RBFOX1: variants seen among roughly 807,000 people sequenced by gnomAD.
RBFOX1 encodes the protein RNA binding fox-1 homolog 1, also known as RNA binding protein fox-1 homolog 1.
A neutral mutation model predicts 57.7 loss-of-function variants in RBFOX1; 8 were observed. The ratio of observed to expected loss-of-function variants is 0.14; its 90% CI spans 0.08 to 0.25. The LOEUF (loss-of-function observed/expected upper bound fraction) is 0.25. RBFOX1 is among the 10% of genes least tolerant of loss of function. RBFOX1 has a pLI of 1.00. For missense variants in RBFOX1, 611 were observed against 548.5 expected (o/e 1.11, Z -1.14); for synonymous variants, 326 against 222.4 (o/e 1.47, Z -4.15).
At chr16:5,994,090 G>C (rs909638351) in intron 4 of RBFOX1, among the ~76,000 whole-genome samples, 17 of 152,168 alleles carry the variant, frequency 1.1e-4, no homozygotes, top group African/African-American at 4.1e-4. Flanking sequence ...ATGGGGGCTC[G>C]TTCGACTCTC....
chr16:7,640,333 GCTCT>G (rs1246245490), intron 11 of RBFOX1, among the ~76,000 whole-genome samples: 3 of 152,222 alleles, frequency 2.0e-5, no homozygotes, highest in Non-Finnish European at 4.4e-5. Flanking sequence ...CTGCCATGCA[GCTCT>G]CTGTCATTGC....
intron 2 of RBFOX1, among the ~76,000 whole-genome samples, chr16:5,512,069 T>C (rs1230674195): frequency 6.6e-6 from 1 of 152,154 alleles, no homozygotes; most frequent in African/African-American, 2.4e-5. Context: ...ATGCACACGG[T>C]GGCAATGGGG....
At chr16:7,181,676 C>T (rs2082738125) in intron 4 of RBFOX1, among the ~76,000 whole-genome samples, 1 of 152,084 alleles carries the variant, frequency 6.6e-6, no homozygotes, top group Non-Finnish European at 1.5e-5. Flanking sequence ...GATTCGTGTG[C>T]CTCAGCCTCC....
chr16:7,245,814 A>G (rs1479770161), intron 4 of RBFOX1, among the ~76,000 whole-genome samples: 1 of 152,174 alleles, frequency 6.6e-6, no homozygotes, highest in Non-Finnish European at 1.5e-5. Flanking sequence ...ACAGCACTTC[A>G]TACACTCATG....
At chr16:6,300,507 A>G (rs2078687455) in intron 1 of RBFOX1, among the ~76,000 whole-genome samples, 1 of 152,220 alleles carries the variant, frequency 6.6e-6, no homozygotes, top group East Asian at 1.9e-4. Context: ...CAAAGTTATT[A>G]GCGAGACTTG....
At chr16:5,942,768 C>CTCTCACTGATATAATTT (rs1260824470) in intron 4 of RBFOX1, among the ~76,000 whole-genome samples, 1 of 152,180 alleles carries the variant, frequency 6.6e-6, no homozygotes, top group Non-Finnish European at 1.5e-5. Context: ...GATCAGATCT[C>CTCTCACTGATATAATTT]TCTCACTGAT....
At chr16:7,161,300 A>AG (rs2152384997) in intron 4 of RBFOX1, among the ~76,000 whole-genome samples, 1 of 151,820 alleles carries the variant, frequency 6.6e-6, no homozygotes, top group Admixed American at 6.5e-5. Context: ...AGTATGTGTA[A>AG]GGAATATTTG....
Position 5,464,875 on chromosome 16 carries a change from C to T in RBFOX1, c.220-2341C>T, listed in dbSNP as rs2151604778. ...AGGCACAGGGTGTGGCTCTAGGAGC[C>T]CAGGAGGAAGGTCTGTATCTGTTCA... On this transcript the variant is annotated intron_variant, in intron 1 of 2. Coordinates refer to the RBFOX1 transcript ENST00000585867. Among the ~76,000 whole-genome samples, 5 of 152,206 alleles carry T rather than the reference C, an allele frequency of 3.3e-5. 1 individual carries two copies. The Middle Eastern group carries it at 0.017, about 518-fold the overall frequency.
rs1281892314 is a variant in RBFOX1 at position 5,490,928 on chromosome 16, A to G, written c.258+23674A>G. On this transcript the variant is annotated intron_variant, in intron 2 of 2. Coordinates refer to the RBFOX1 transcript ENST00000585867. Reference sequence around the variant, plus strand: ...TGATTTCATTATGTGAACCTCCTGGAGCGTAGTTACGCAAACCTAGATAAT... The same window carrying G: ...TGATTTCATTATGTGAACCTCCTGGGGCGTAGTTACGCAAACCTAGATAAT... Among the ~76,000 whole-genome samples, 59 of 152,192 alleles carry G rather than the reference A, an allele frequency of 3.9e-4. 1 individual carries two copies. Among genetic ancestry groups the G allele is most frequent in the Admixed American group, 3.9e-3 (59 of 15,278 alleles).
At chr16:6,778,756 G>C (rs1369297867) in intron 3 of RBFOX1, among the ~76,000 whole-genome samples, 1 of 151,886 alleles carries the variant, frequency 6.6e-6, no homozygotes, top group Non-Finnish European at 1.5e-5. Context: ...ATATGATTGT[G>C]AATTTTCTTG....
chr16:6,562,566 T>C (rs979232102), intron 2 of RBFOX1, among the ~76,000 whole-genome samples: 1 of 152,214 alleles, frequency 6.6e-6, no homozygotes, highest in South Asian at 2.1e-4. Flanking sequence ...TGTGTGTAAT[T>C]GGATATTTCA....
At chr16:6,720,162 G>C (rs1278903558) in intron 3 of RBFOX1, among the ~76,000 whole-genome samples, 2 of 151,994 alleles carry the variant, frequency 1.3e-5, no homozygotes, top group Non-Finnish European at 2.9e-5. Context: ...CAAAATATCT[G>C]ACACAGGGTA....
chr16:6,674,940 G>A (rs1157013820), intron 3 of RBFOX1, among the ~76,000 whole-genome samples: 2 of 151,674 alleles, frequency 1.3e-5, no homozygotes, highest in African/African-American at 2.4e-5. Flanking sequence ...CAGTCTCACT[G>A]TGTCACCCAG....
At chr16:7,337,373 G>C (rs1214997429) in intron 4 of RBFOX1, among the ~76,000 whole-genome samples, 1 of 152,194 alleles carries the variant, frequency 6.6e-6, no homozygotes, top group African/African-American at 2.4e-5. Context: ...TGAAGCATTA[G>C]TAGGCATTCA....
chr16:5,622,237 A>C lies in RBFOX1; in HGVS notation c.318+23276A>C, dbSNP rs568243093. Among the ~76,000 whole-genome samples the C allele has an allele frequency of 3.5e-4, 54 of 152,330 alleles. No individual in the cohort carries two copies. In the South Asian group the frequency reaches 0.01, roughly 29 times the overall value. On this transcript the variant is annotated intron_variant, in intron 3 of 19. Transcript: ENST00000641259. ...GTTTTGACAGTAATTATGATGCCAAAGCTCCAAGTTTGAGATGTTAGGCTG... is the reference window on the plus strand; with the variant it reads ...GTTTTGACAGTAATTATGATGCCAACGCTCCAAGTTTGAGATGTTAGGCTG...
chr16:6,634,759 C>T (rs62652893), intron 2 of RBFOX1, among the ~76,000 whole-genome samples: 1 of 34,750 alleles, frequency 2.9e-5, no homozygotes, highest in Non-Finnish European at 9.1e-5. Context: ...CAAAGATATA[C>T]ATATATTTGT....
chr16:7,460,216 A>G (rs749967216), intron 4 of RBFOX1, among the ~76,000 whole-genome samples: 38 of 151,604 alleles, frequency 2.5e-4, no homozygotes, highest in Non-Finnish European at 4.7e-4. Flanking sequence ...TCCAGACATC[A>G]TGTGGAAACT....
At chr16:7,656,008 G>GTAAC (rs1568312632) in intron 12 of RBFOX1, among the ~76,000 whole-genome samples, 2 of 118,914 alleles carry the variant, frequency 1.7e-5, no homozygotes. Context: ...CAATGTGTTT[G>GTAAC]TAACTACTTG....
At chr16:7,422,552 A>C (rs1422264653) in intron 4 of RBFOX1, among the ~76,000 whole-genome samples, 1 of 152,168 alleles carries the variant, frequency 6.6e-6, no homozygotes, top group Non-Finnish European at 1.5e-5. Context: ...TGAGAAGTCA[A>C]ATCAAATAAA....
Sources: allele counts gnomAD v4.1 joint callset (sites outside exome capture counted in the v4.1 genomes callset), GRCh38; gene constraint gnomAD v4.1.1; transcripts MANE v1.5; gene names NCBI Gene and HGNC (gene_info 2026-07-23, HGNC 2026-07-21).